RBPJ: variants seen among roughly 807,000 people sequenced by gnomAD.
RBPJ encodes the protein recombination signal binding protein for immunoglobulin kappa J region.
Under a neutral mutation model 67.8 loss-of-function variants are expected in RBPJ, and 9 were observed. That is an observed-to-expected ratio of 0.13 (90% CI 0.08 to 0.23). The LOEUF is 0.23. Ranked by LOEUF, RBPJ falls within the 10% of genes least tolerant of loss-of-function variation. RBPJ has a pLI of 1.00. For missense variants in RBPJ, 305 were observed against 595.6 expected (o/e 0.51, Z 5.08); for synonymous variants, 198 against 203.3 (o/e 0.97, Z 0.22).
chr4:26,162,280 G>C (rs896884809), upstream of RBPJ, among the ~76,000 whole-genome samples: 3 of 152,226 alleles, frequency 2.0e-5, no homozygotes, highest in Admixed American at 1.3e-4. Flanking sequence ...TGTGACAGGG[G>C]ATTCCCTGGA....
chr4:26,294,634 T>A (rs1018382926), intron 1 of RBPJ, among the ~76,000 whole-genome samples: 3 of 151,986 alleles, frequency 2.0e-5, no homozygotes, highest in African/African-American at 4.8e-5. Context: ...AATCTCAGCA[T>A]TTTGGGAGGT....
intron 1 of RBPJ, among the ~76,000 whole-genome samples, chr4:26,228,356 A>G (rs1719150729): frequency 6.6e-6 from 1 of 152,182 alleles, no homozygotes; most frequent in Admixed American, 6.5e-5. Flanking sequence ...GCTATTACAT[A>G]CATATGCACA....
intron 2 of RBPJ, among the ~76,000 whole-genome samples, chr4:26,405,522 G>A (rs898149199): frequency 6.6e-6 from 1 of 151,984 alleles, no homozygotes; most frequent in African/African-American, 2.4e-5. Context: ...ATGTAGAGTT[G>A]TTTTTACTTG....
upstream of RBPJ, among the ~76,000 whole-genome samples, chr4:26,163,229 C>A (rs1351195425): frequency 6.6e-6 from 1 of 152,046 alleles, no homozygotes; most frequent in Admixed American, 6.6e-5. Context: ...TTTCCTTTTG[C>A]CTTTGGTGAT....
intron 1 of RBPJ, among the ~76,000 whole-genome samples, chr4:26,245,235 G>T (rs1473187909): frequency 1.6e-5 from 2 of 127,320 alleles, no homozygotes; most frequent in Non-Finnish European, 3.2e-5. Context: ...TTGAGTTGGA[G>T]TCTCACTCGC....
chr4:26,203,106 T>C (rs1292445198), intron 1 of RBPJ, among the ~76,000 whole-genome samples: 1 of 152,204 alleles, frequency 6.6e-6, no homozygotes, highest in Non-Finnish European at 1.5e-5. Flanking sequence ...CAGCATATTT[T>C]GGCTAAAAAG....
intron 2 of RBPJ, among the ~76,000 whole-genome samples, chr4:26,404,663 G>C (rs544702108): frequency 7.9e-4 from 120 of 152,308 alleles, no homozygotes; most frequent in Non-Finnish European, 1.4e-3. Flanking sequence ...AAATAATGGA[G>C]TTAAAGTGCT....
At chr4:26,181,435 C>T (rs959137538) in intron 1 of RBPJ, among the ~76,000 whole-genome samples, 3 of 152,218 alleles carry the variant, frequency 2.0e-5, no homozygotes, top group Non-Finnish European at 4.4e-5. Context: ...TAGCCTTCCT[C>T]CCTCTCCATA....
At chr4:26,310,358 A>G (rs1404123109) in intron 1 of RBPJ, among the ~76,000 whole-genome samples, 14 of 152,228 alleles carry the variant, frequency 9.2e-5, no homozygotes, top group Non-Finnish European at 8.8e-5. Context: ...AGAGAACCAT[A>G]AAGATGAACA....
intron 1 of RBPJ, among the ~76,000 whole-genome samples, chr4:26,340,533 T>A (rs1190268665): frequency 6.6e-6 from 1 of 152,074 alleles, no homozygotes; most frequent in Non-Finnish European, 1.5e-5. Context: ...TCTGCAACAA[T>A]TCAAGGTAGA....
chr4:26,242,705 T>TA (rs1025631996), intron 1 of RBPJ, among the ~76,000 whole-genome samples: 2,554 of 100,340 alleles, frequency 0.025, 78 homozygotes, highest in African/African-American at 0.072. Flanking sequence ...CACTCATAGT[T>TA]AAAAAAAAAA....
chr4:26,205,009 C>T (rs569361919), intron 1 of RBPJ, among the ~76,000 whole-genome samples: 5 of 152,268 alleles, frequency 3.3e-5, no homozygotes, highest in South Asian at 4.1e-4. Flanking sequence ...GTCCTGGCCT[C>T]GGCGCCAGGG....
intron 1 of RBPJ, chr4:26,367,958 A>G (rs1728792610): frequency 6.6e-6 from 1 of 152,280 alleles, no homozygotes; most frequent in Non-Finnish European, 1.5e-5. Flanking sequence ...TGGGAGTTGA[A>G]AAATGGAAGA....
chr4:26,142,359 C>G, the RBPJ span, among the ~76,000 whole-genome samples: 1 of 152,206 alleles, frequency 6.6e-6, no homozygotes, highest in African/African-American at 2.4e-5. Context: ...TCTAAAGAAT[C>G]TCACTCCACA....
intron 1 of RBPJ, among the ~76,000 whole-genome samples, chr4:26,309,978 A>T (rs1022744629): frequency 6.6e-6 from 1 of 152,234 alleles, no homozygotes; most frequent in Non-Finnish European, 1.5e-5. Context: ...CACGTTCCAC[A>T]TCACTAGAGT....
In RBPJ at chr4:26,244,258, CAT is replaced by C. The variant is rs765106222; in HGVS notation, c.-167+80647_-167+80648del. ...GTGTCTATATATGTGTACACATACA[CAT>C]ATGTGTACACATATATGTGTGTATA... is the stretch of plus-strand genomic sequence containing the variant. On this transcript the variant is annotated intron_variant, in intron 1 of 4. Coordinates refer to the RBPJ transcript ENST00000512351. Among the ~76,000 whole-genome samples the C allele has an allele frequency of 3.5e-4, 47 of 134,146 alleles. 2 individuals are homozygous for C. The highest frequency in any genetic ancestry group is 1.1e-3 in the African/African-American group (37 of 34,098). 88.0% of individuals were successfully genotyped at this position (134,146 alleles called of 152,430 possible).
At chr4:26,207,681 G>A (rs1037509570) in intron 1 of RBPJ, among the ~76,000 whole-genome samples, 1 of 152,222 alleles carries the variant, frequency 6.6e-6, no homozygotes, top group African/African-American at 2.4e-5. Context: ...TGCCCTTGGG[G>A]AGCTGATGCT....
chr4:26,300,978 T>C (rs1722055638), intron 1 of RBPJ, among the ~76,000 whole-genome samples: 1 of 152,252 alleles, frequency 6.6e-6, no homozygotes, highest in African/African-American at 2.4e-5. Flanking sequence ...TCATCTGACC[T>C]GTGGTTCTAG....
intron 1 of RBPJ, among the ~76,000 whole-genome samples, chr4:26,357,337 G>T (rs1727491556): frequency 6.6e-6 from 1 of 152,178 alleles, no homozygotes; most frequent in South Asian, 2.1e-4. Flanking sequence ...AACTCAAGTA[G>T]TGTTACAGAG....
Sources: gnomAD v4.1 joint callset for allele counts (sites outside exome capture counted in the v4.1 genomes callset) on GRCh38, gnomAD v4.1.1 for gene constraint, MANE v1.5 for transcripts, NCBI Gene and HGNC (gene_info 2026-07-23, HGNC 2026-07-21) for gene names.